Variants in ZNF805 observed in about 807,000 individuals in gnomAD.
The protein encoded by ZNF805 is zinc finger protein 805, also known as CTC-444N24.8.
ZNF805 carries 7 observed loss-of-function variants against 13.6 expected under a neutral mutation model. That is an observed-to-expected ratio of 0.51 (90% CI 0.29 to 0.97). ZNF805 has a LOEUF of 0.97. Among genes scored for constraint, ZNF805 ranks in the 50% least tolerant of loss-of-function variants. The pLI is 0.08. For missense variants in ZNF805, 604 were observed against 771.0 expected, an observed-to-expected ratio of 0.78 and a Z score of 2.57; for synonymous variants, 293 against 279.8, an observed-to-expected ratio of 1.05 and a Z score of -0.47.
chr19:57,253,900 C>A lies in ZNF805; in HGVS notation c.1081C>A (p.His361Asn). 6.2e-7 allele frequency: 1 copy of A among 1,614,242 alleles called. No individual in the cohort carries two copies. The highest frequency in any genetic ancestry group is 8.5e-7 in the Non-Finnish European group (1 of 1,180,054). Reference sequence around the variant, plus strand: ...CAAACACAGATCATACCTCATGTGGCACCAGCAGACTCATACCGGGGAGAA... The same window carrying A: ...CAAACACAGATCATACCTCATGTGGAACCAGCAGACTCATACCGGGGAGAA... ...VFKHRSYLMW[H>N]QQTHTGEKPY... Residue 361 changes from histidine to asparagine, a missense_variant, in exon 4 of 4, where the codon CAC becomes AAC. By Grantham distance (68) the His-to-Asn change is moderately conservative. Transcript: ENST00000414468. The surrounding 1 kb of genome is among the most constrained non-coding windows in gnomAD (Gnocchi z 4.4).
chr19:57,245,487 C>G (rs1056749307), intron 2 of ZNF805, among the ~76,000 whole-genome samples: 1 of 152,148 alleles, frequency 6.6e-6, no homozygotes, highest in Non-Finnish European at 1.5e-5. Context: ...GTTGTTAAAA[C>G]TAAGATGATG....
chr19:57,243,112 C>A (rs1179877039), intron 1 of ZNF805, among the ~76,000 whole-genome samples: 1 of 152,090 alleles, frequency 6.6e-6, no homozygotes, highest in Non-Finnish European at 1.5e-5. Context: ...GCTACTTGGG[C>A]GGCTAAGGCA....
rs777005905 is a variant in ZNF805, at chr19:57,254,256, A to C, written c.1437A>C (p.Gly479=). 6.2e-7 allele frequency: 1 copy of C among 1,612,998 alleles called. No individual in the cohort carries two copies. The highest frequency in any genetic ancestry group is 1.1e-5 in the South Asian group (1 of 91,002). The change falls in exon 4 of 4, where the codon GGA becomes GGC. Residue 479 remains glycine, a synonymous_variant. Coordinates refer to ENST00000414468, the MANE Select transcript of ZNF805 (RefSeq NM_001023563.4). ...TTCGCCACTTCAGCATCCACACTGG[A>C]GAGAAGCCCTATGAGTGCATGGAGT... The part of the protein sequence containing the change: ...DLIRHFSIHT[G]EKPYECMECG...
At position 57,254,275 on chromosome 19, in the gene ZNF805, A is replaced by C. The variant is rs774072842; in HGVS notation, c.1456A>C (p.Met486Leu). The C allele has an allele frequency of 6.2e-7, 1 of 1,613,750 alleles. No individual in the cohort carries two copies. The highest frequency in any genetic ancestry group is 8.5e-7 in the Non-Finnish European group (1 of 1,179,968). The change falls in exon 4 of 4, where the codon ATG (methionine) becomes CTG (leucine). Residue 486 changes from methionine to leucine, a missense_variant. Transcript: ENST00000414468. Reference sequence around the variant, plus strand: ...CACTGGAGAGAAGCCCTATGAGTGCATGGAGTGTGGAAAGGCCTTCAACCG... The same window carrying C: ...CACTGGAGAGAAGCCCTATGAGTGCCTGGAGTGTGGAAAGGCCTTCAACCG... ...IHTGEKPYECMECGKAFNRRS... is the reference protein window; with the variant it reads ...IHTGEKPYECLECGKAFNRRS...
rs1000684007 is a variant in ZNF805 at position 57,256,373 on chromosome 19, G to GT, written c.*1677dup. ...CATGAATTGGAAGGAATTCTCTTCT[G>GT]TTTTTTTGGAAGATCATGTGTAGAA... On this transcript the variant is annotated 3_prime_UTR_variant, in exon 4 of 4. Transcript: ENST00000414468. Among the ~76,000 whole-genome samples the GT allele has an allele frequency of 1.4e-4, 22 of 152,130 alleles. No homozygotes were observed. Among genetic ancestry groups the GT allele is most frequent in the African/African-American group, 4.1e-4 (17 of 41,530 alleles).
At position 57,246,392 on chromosome 19, in the gene ZNF805, A is replaced by T. The variant is rs375305159; in HGVS notation, c.158-2213A>T. 3.3e-5 allele frequency among the ~76,000 whole-genome samples: 5 copies of T among 152,314 alleles called. No homozygotes were observed. In the East Asian group the frequency reaches 5.8e-4, roughly 18 times the overall value. On this transcript the variant is annotated intron_variant, in intron 2 of 3. Transcript: ENST00000414468. ...TGCTACATTTTCATGGTTACCTGCC[A>T]TCAAGACAAGTGACTCTGGATTTTC... is the stretch of plus-strand genomic sequence containing the variant.
intron 3 of ZNF805, among the ~76,000 whole-genome samples, chr19:57,249,014 A>G (rs547519257): frequency 1.3e-5 from 2 of 152,280 alleles, no homozygotes; most frequent in Admixed American, 1.3e-4. Context: ...AGTTAATACC[A>G]ACTGCTGTAT....
At position 57,253,335 on chromosome 19, in the gene ZNF805, A is replaced by G. The variant is rs1276360652; in HGVS notation, c.516A>G (p.Ile172Met). ...GTADSVCSRI[I>M]QDRVSLGDDV... Reference sequence around the variant, plus strand: ...CTGATAGTGTGTGTTCAAGGATTATACAGGATCGAGTCTCCTTAGGAGATG... The same window carrying G: ...CTGATAGTGTGTGTTCAAGGATTATGCAGGATCGAGTCTCCTTAGGAGATG... The change falls in exon 4 of 4, where the codon ATA (isoleucine) becomes ATG (methionine). Residue 172 changes from isoleucine (I) to methionine (M), a missense_variant. Physicochemically the swap from Ile to Met is conservative, Grantham distance 10. Transcript: ENST00000414468. This position sits in a 1 kb window ranked among gnomAD's most constrained non-coding sequence, Gnocchi z 4.4. 6.4e-7 allele frequency: 1 copy of G among 1,573,838 alleles called. No individual in the cohort carries two copies. The highest frequency in any genetic ancestry group is 1.2e-5 in the South Asian group (1 of 85,938).
intron 3 of ZNF805, 84 bp from the exon 4 acceptor site, chr19:57,252,989 T>C (rs973570464): frequency 2.4e-6 from 3 of 1,237,896 alleles, no homozygotes; most frequent in Non-Finnish European, 3.2e-6. Context: ...ATTTATAACT[T>C]CATTTTTTTT....
At position 57,254,578 on chromosome 19, in the gene ZNF805, GAAC is replaced by G. The variant is rs759251415; in HGVS notation, c.1760_1762del (p.Glu587_Leu588delinsVal). ...TGGGCAGACCTCAGTCAACATCCAA[GAAC>G]TTTTATTGGGGAAAAACTTTTTGAA... On this transcript the variant is annotated inframe_deletion, in exon 4 of 4. Coordinates refer to ENST00000414468, the MANE Select transcript of ZNF805 (RefSeq NM_001023563.4). 1.9e-6 allele frequency: 3 copies of G among 1,614,158 alleles called. No homozygotes were observed. The Admixed American group carries it at 5.0e-5, about 27-fold the overall frequency.
chr19:57,258,715 T>C lies in ZNF805; in HGVS notation c.*4012T>C, dbSNP rs1482421548. 6.6e-6 allele frequency among the ~76,000 whole-genome samples: 1 copy of C among 152,230 alleles called. No individual in the cohort carries two copies. Among genetic ancestry groups the C allele is most frequent in the Non-Finnish European group, 1.5e-5 (1 of 68,038 alleles). On this transcript the variant is annotated 3_prime_UTR_variant, in exon 4 of 4. Coordinates refer to ENST00000414468, the MANE Select transcript of ZNF805 (RefSeq NM_001023563.4). ...CCATGTTGGAAAATGTAATTTTTGC[T>C]TCCACTGTCAAATATATTTTACAAA... is the stretch of plus-strand genomic sequence containing the variant.
intron 2 of ZNF805, among the ~76,000 whole-genome samples, chr19:57,247,996 C>T (rs2122834234): frequency 6.6e-6 from 1 of 152,266 alleles, no homozygotes; most frequent in African/African-American, 2.4e-5. Flanking sequence ...CACCTGAGGT[C>T]AGGAATTCAG....
At chr19:57,251,487 G>T (rs183736175) in intron 3 of ZNF805, among the ~76,000 whole-genome samples, 37 of 151,828 alleles carry the variant, frequency 2.4e-4, no homozygotes, top group Non-Finnish European at 4.0e-4. Flanking sequence ...TTCTCTTTTT[G>T]ATTTTATTTT....
In ZNF805 at chr19:57,257,589, G is replaced by T. The variant is rs2087695231; in HGVS notation, c.*2886G>T. Among the ~76,000 whole-genome samples, 1 of 150,858 alleles carries T rather than the reference G, an allele frequency of 6.6e-6. No individual in the cohort carries two copies. Among genetic ancestry groups the T allele is most frequent in the African/African-American group, 2.4e-5 (1 of 41,004 alleles). ...CTTACGTTTTGGTTAATGCTTGCAT[G>T]ATTTACACTTCATCATTTTTTTAAA... On this transcript the variant is annotated 3_prime_UTR_variant, in exon 4 of 4. Transcript: ENST00000414468.
Position 57,253,112 on chromosome 19 carries a change from G to A in ZNF805, c.293G>A (p.Cys98Tyr). Residue 98 changes from cysteine (C) to tyrosine (Y), a missense_variant, in exon 4 of 4, where the codon TGT becomes TAT. By Grantham distance (194) the Cys-to-Tyr change is radical. Coordinates refer to ENST00000414468, the MANE Select transcript of ZNF805 (RefSeq NM_001023563.4). The surrounding 1 kb of genome is among the most constrained non-coding windows in gnomAD (Gnocchi z 4.4). Reference sequence around the variant, plus strand: ...CCCAAGAGCACAGAACCTACCACCTGTGAGCTAGCCTTGTCTGAAGGAATC... The same window carrying A: ...CCCAAGAGCACAGAACCTACCACCTATGAGCTAGCCTTGTCTGAAGGAATC... ...GKPKSTEPTT[C>Y]ELALSEGISF... 1 of 1,499,480 alleles carries A rather than the reference G, an allele frequency of 6.7e-7. No individual in the cohort carries two copies. Among genetic ancestry groups the A allele is most frequent in the Non-Finnish European group, 8.9e-7 (1 of 1,128,092 alleles). 92.9% of individuals were successfully genotyped at this position (1,499,480 alleles called of 1,614,324 possible).
chr19:57,262,279 A>C lies in ZNF805; in HGVS notation c.*7576A>C, dbSNP rs1234257225. On this transcript the variant is annotated 3_prime_UTR_variant, in exon 4 of 4. Transcript: ENST00000414468. ...TCTGTAACAAACATTAAGCAAATAAAATTTTCTATAACAGAAATAAGCCAT... is the reference window on the plus strand; with the variant it reads ...TCTGTAACAAACATTAAGCAAATAACATTTTCTATAACAGAAATAAGCCAT... 6.0e-6 allele frequency: 1 copy of C among 166,984 alleles called. No homozygotes were observed. The highest frequency in any genetic ancestry group is 1.9e-4 in the East Asian group (1 of 5,206). 10.3% of individuals were successfully genotyped at this position (166,984 alleles called of 1,614,324 possible). A position where few individuals can be genotyped will look rare whatever the true frequency, so the allele number is the denominator to read the frequency against.
At chr19:57,246,154 A>G (rs1380271035) in intron 2 of ZNF805, among the ~76,000 whole-genome samples, 4 of 152,194 alleles carry the variant, frequency 2.6e-5, no homozygotes, top group African/African-American at 9.7e-5. Context: ...AACAAGCAGC[A>G]TGAGCTCACA....
Position 57,261,388 on chromosome 19 carries a change from A to G in ZNF805, c.*6685A>G, listed in dbSNP as rs1040667954. 2.4e-5 allele frequency: 4 copies of G among 167,022 alleles called. No individual in the cohort carries two copies. Among genetic ancestry groups the G allele is most frequent in the African/African-American group, 7.2e-5 (3 of 41,438 alleles). The allele number at this position is 167,022 out of a possible 1,614,324, so 10.3% of individuals were successfully genotyped here. On this transcript the variant is annotated 3_prime_UTR_variant, in exon 4 of 4. Coordinates refer to ENST00000414468, the MANE Select transcript of ZNF805 (RefSeq NM_001023563.4). ...GCATGTTGTTTTAGGTGTGTTTGAG[A>G]TGCCTGAAGAACATCAGTGTATCCC...
At chr19:57,243,339 G>A (rs2087591119) in intron 1 of ZNF805, among the ~76,000 whole-genome samples, 1 of 152,174 alleles carries the variant, frequency 6.6e-6, no homozygotes, top group Admixed American at 6.5e-5. Context: ...AGGGGCTGTG[G>A]GAGGATTAAT....
Sources: allele counts gnomAD v4.1 joint callset (sites outside exome capture counted in the v4.1 genomes callset), GRCh38; gene constraint gnomAD v4.1.1; non-coding constraint Gnocchi (gnomAD v3.1); transcripts MANE v1.5; gene names NCBI Gene and HGNC (gene_info 2026-07-23, HGNC 2026-07-21).